PRKN: variants seen among roughly 807,000 people sequenced by gnomAD.
The protein encoded by PRKN is E3 ubiquitin-protein ligase parkin.
A neutral mutation model predicts 59.5 loss-of-function variants in PRKN; 56 were observed. The observed-to-expected ratio is 0.94, with a 90% CI of 0.76 to 1.18. The LOEUF (loss-of-function observed/expected upper bound fraction) is 1.18, where lower values mean the gene tolerates loss of function less well. Ranked by LOEUF, PRKN falls within the 50% of genes most tolerant of loss-of-function variation. The pLI, the probability that PRKN is intolerant of heterozygous loss-of-function variation, is 0.00. For synonymous variants in PRKN, 250 were observed against 222.1 expected, an observed-to-expected ratio of 1.13 and a Z score of -1.12; for missense variants, 657 against 596.4, an observed-to-expected ratio of 1.10 and a Z score of -1.06.
chr6:162,461,789 G>A (rs1791190707), intron 1 of PRKN, among the ~76,000 whole-genome samples: 3 of 151,304 alleles, frequency 2.0e-5, no homozygotes, highest in Admixed American at 2.0e-4. Flanking sequence ...TCACGCCACT[G>A]CACTGCAGCC....
chr6:161,860,925 A>G (rs2155484), intron 6 of PRKN, among the ~76,000 whole-genome samples: 74,923 of 152,062 alleles, frequency 0.49, 18,690 homozygotes, highest in East Asian at 0.74. Flanking sequence ...AAAAGTCAGG[A>G]AACAACAGAT....
At chr6:161,630,194 CA>C (rs1023792254) in intron 7 of PRKN, among the ~76,000 whole-genome samples, 9 of 152,146 alleles carry the variant, frequency 5.9e-5, no homozygotes, top group African/African-American at 1.9e-4. Context: ...AATATGAAAG[CA>C]GAGCCTTTAG....
At position 161,538,924 on chromosome 6, in the gene PRKN, A is replaced by G. The variant is rs1182348199; in HGVS notation, c.1083+9930T>C. Reference sequence around the variant, plus strand: ...GAACTCTGCCTAAATGTCATGAACAACAGGAATAACAGCAGGTACTTAGCG... The same window carrying G: ...GAACTCTGCCTAAATGTCATGAACAGCAGGAATAACAGCAGGTACTTAGCG... On this transcript the variant is annotated intron_variant, in intron 9 of 11. Transcript: ENST00000366898. The surrounding 1 kb of genome is among the most constrained non-coding windows in gnomAD (Gnocchi z 4.2). 6.6e-6 allele frequency among the ~76,000 whole-genome samples: 1 copy of G among 152,168 alleles called. No individual in the cohort carries two copies. Among genetic ancestry groups the G allele is most frequent in the Non-Finnish European group, 1.5e-5 (1 of 68,034 alleles).
intron 2 of PRKN, among the ~76,000 whole-genome samples, chr6:162,322,163 C>T (rs1011350666): frequency 1.3e-5 from 2 of 151,422 alleles, no homozygotes; most frequent in Non-Finnish European, 2.9e-5. Context: ...AGTCAATATA[C>T]AAAATATCTA....
chr6:162,425,354 T>G (rs1789181149), intron 2 of PRKN, among the ~76,000 whole-genome samples: 1 of 152,138 alleles, frequency 6.6e-6, no homozygotes, highest in African/African-American at 2.4e-5. Context: ...ACAGAAACCT[T>G]GTGAAAATAT....
chr6:161,482,190 G>A (rs912432906), intron 9 of PRKN, among the ~76,000 whole-genome samples: 2 of 152,104 alleles, frequency 1.3e-5, no homozygotes, highest in African/African-American at 4.8e-5. Flanking sequence ...ATAATTTAAA[G>A]CATGTTACTC....
At chr6:162,661,791 T>A (rs1051196198) in intron 1 of PRKN, among the ~76,000 whole-genome samples, 4 of 152,242 alleles carry the variant, frequency 2.6e-5, no homozygotes, top group Admixed American at 2.6e-4. Context: ...AACAGTTAAA[T>A]GTGAGGCAGA....
At chr6:162,152,695 C>T (rs893411367) in intron 4 of PRKN, among the ~76,000 whole-genome samples, 2 of 152,080 alleles carry the variant, frequency 1.3e-5, no homozygotes, top group African/African-American at 4.8e-5. Flanking sequence ...GACCAATTTC[C>T]CAATATTGTC....
chr6:161,750,242 T>C (rs983233046), intron 7 of PRKN, among the ~76,000 whole-genome samples: 1 of 152,138 alleles, frequency 6.6e-6, no homozygotes. Context: ...TTTTTACATC[T>C]TGGCAAAATA....
At chr6:162,155,160 C>T (rs139736926) in intron 4 of PRKN, among the ~76,000 whole-genome samples, 1 of 151,504 alleles carries the variant, frequency 6.6e-6, no homozygotes, top group East Asian at 1.9e-4. Context: ...AATTACTTCC[C>T]ATTAGGAGAT....
At chr6:162,497,538 T>C (rs1490568017) in intron 1 of PRKN, among the ~76,000 whole-genome samples, 3 of 152,206 alleles carry the variant, frequency 2.0e-5, no homozygotes, top group African/African-American at 7.2e-5. Flanking sequence ...TCAAACGCCC[T>C]TTGTGCTGCA....
chr6:161,890,418 A>C (rs922922044), intron 6 of PRKN, among the ~76,000 whole-genome samples: 4 of 152,162 alleles, frequency 2.6e-5, no homozygotes, highest in Non-Finnish European at 5.9e-5. Context: ...GCTTCCCAAG[A>C]TTTCAGACTC....
intron 4 of PRKN, among the ~76,000 whole-genome samples, chr6:162,189,490 C>T (rs1784178442): frequency 6.7e-6 from 1 of 150,048 alleles, no homozygotes; most frequent in African/African-American, 2.4e-5. Context: ...ATACCTTGGC[C>T]TACCATTAAT....
At chr6:161,857,025 T>C (rs892334636) in intron 6 of PRKN, among the ~76,000 whole-genome samples, 28 of 122,688 alleles carry the variant, frequency 2.3e-4, no homozygotes, top group African/African-American at 7.7e-4. Flanking sequence ...AGGTCAGGAG[T>C]TCAAGACCAG....
intron 2 of PRKN, among the ~76,000 whole-genome samples, chr6:162,405,130 A>T (rs973358920): frequency 2.6e-5 from 4 of 152,186 alleles, no homozygotes; most frequent in Non-Finnish European, 4.4e-5. Flanking sequence ...GAAGCCTTTA[A>T]GAGACAACTC....
chr6:162,546,507 G>A (rs913235238), intron 1 of PRKN, among the ~76,000 whole-genome samples: 8 of 151,250 alleles, frequency 5.3e-5, no homozygotes, highest in Non-Finnish European at 7.4e-5. Flanking sequence ...ACCCTGGTGC[G>A]ATCTCGGCTC....
At chr6:162,632,968 A>G (rs1435230123) in intron 1 of PRKN, among the ~76,000 whole-genome samples, 1 of 152,144 alleles carries the variant, frequency 6.6e-6, no homozygotes, top group African/African-American at 2.4e-5. Context: ...CCTTGTGAAA[A>G]TATTTTTTCA....
intron 6 of PRKN, among the ~76,000 whole-genome samples, chr6:161,952,159 G>A (rs1039389694): frequency 6.6e-6 from 1 of 152,048 alleles, no homozygotes; most frequent in African/African-American, 2.4e-5. Context: ...AGGAGCTGGG[G>A]CATTGAGGGT....
chr6:162,379,593 A>C (rs78650785), intron 2 of PRKN, among the ~76,000 whole-genome samples: 1 of 151,594 alleles, frequency 6.6e-6, no homozygotes, highest in African/African-American at 2.4e-5. Flanking sequence ...CCCATCCGAC[A>C]CCTCCCAAAC....
Sources: gnomAD v4.1 joint callset for allele counts (sites outside exome capture counted in the v4.1 genomes callset) on GRCh38, gnomAD v4.1.1 for gene constraint, Gnocchi (gnomAD v3.1) non-coding constraint, MANE v1.5 for transcripts, NCBI Gene and HGNC (gene_info 2026-07-23, HGNC 2026-07-21) for gene names.